Variants in ANKS1A observed in about 807,000 individuals in gnomAD.
The protein encoded by ANKS1A is ankyrin repeat and SAM domain-containing protein 1A.
Under a neutral mutation model 120.3 loss-of-function variants are expected in ANKS1A, and 55 were observed. That is an observed-to-expected ratio of 0.46 (90% CI 0.37 to 0.57). The LOEUF is 0.57. Among genes scored for constraint, ANKS1A ranks in the 20% least tolerant of loss-of-function variants. The pLI is 0.00. For missense variants in ANKS1A, 1,123 were observed against 1,480.3 expected, an observed-to-expected ratio of 0.76 and a Z score of 3.96; for synonymous variants, 590 against 604.7, an observed-to-expected ratio of 0.98 and a Z score of 0.36.
At chr6:35,094,463 A>G (rs1261856989), downstream of ANKS1A, among the ~76,000 whole-genome samples, 1 of 151,964 alleles carries the variant, frequency 6.6e-6, no homozygotes, top group Non-Finnish European at 1.5e-5. Context: ...AAAAGATATC[A>G]GCACCAAGAT....
At position 35,081,173 on chromosome 6, in the gene ANKS1A, G is replaced by A. The variant is rs1561964761; in HGVS notation, c.2709+15G>A. The A allele has an allele frequency of 6.3e-7, 1 of 1,599,812 alleles. No homozygotes were observed. The highest frequency in any genetic ancestry group is 8.5e-7 in the Non-Finnish European group (1 of 1,173,002). On this transcript the variant is annotated intron_variant, in intron 17 of 23. Coordinates refer to ENST00000360359, the MANE Select transcript of ANKS1A (RefSeq NM_015245.3). ...TCAGGATCCAGGTGGGGCAGGGGGA[G>A]TGGAGGTGCAGCCAGGCTCTACCTC...
chr6:35,054,034 G>C, intron 11 of ANKS1A, 65 bp from the exon 12 acceptor site: 1 of 1,380,422 alleles, frequency 7.2e-7, no homozygotes, highest in Non-Finnish European at 1.0e-6. Context: ...CTGGCGCTGT[G>C]GTGAGCTGGT....
intron 8 of ANKS1A, among the ~76,000 whole-genome samples, chr6:34,986,378 A>G (rs1358279340): frequency 6.6e-6 from 1 of 151,944 alleles, no homozygotes; most frequent in African/African-American, 2.4e-5. Flanking sequence ...GGTCCCACTG[A>G]CCCTCCTTCC....
rs528996737 is a variant in ANKS1A, at chr6:35,086,377, G to A, written c.3303+441G>A. ...TTAGTCCTGGAGTCAAGGTCTTTAC[G>A]CCTCCTGCTGTCTTGTGTGTCAGTC... On this transcript the variant is annotated intron_variant, in intron 22 of 23. Transcript: ENST00000360359. The surrounding 1 kb of genome is among the most constrained non-coding windows in gnomAD (Gnocchi z 5.1). 6.4e-5 allele frequency: 83 copies of A among 1,293,964 alleles called. No homozygotes were observed. The African/African-American group carries it at 1.1e-3, about 17-fold the overall frequency. The allele number at this position is 1,293,964 out of a possible 1,614,324, so 80.2% of individuals were successfully genotyped here.
At chr6:35,034,018 A>G (rs1416147544) in intron 11 of ANKS1A, among the ~76,000 whole-genome samples, 1 of 152,188 alleles carries the variant, frequency 6.6e-6, no homozygotes, top group African/African-American at 2.4e-5. Flanking sequence ...CAGGCTTTCA[A>G]CTGCTCTATG....
intron 1 of ANKS1A, among the ~76,000 whole-genome samples, chr6:34,938,667 C>G (rs948754847): frequency 1.3e-5 from 2 of 151,340 alleles, no homozygotes; most frequent in African/African-American, 2.5e-5. Context: ...TTGTCTTCTC[C>G]TCTCTGAGTT....
chr6:34,962,020 A>G (rs1478422139), intron 1 of ANKS1A, among the ~76,000 whole-genome samples: 1 of 152,208 alleles, frequency 6.6e-6, no homozygotes, highest in Non-Finnish European at 1.5e-5. Context: ...TGCTATAATG[A>G]TGATATTTTC....
chr6:34,913,667 T>C (rs1768010251), intron 1 of ANKS1A, among the ~76,000 whole-genome samples: 1 of 152,124 alleles, frequency 6.6e-6, no homozygotes. Context: ...GACAGAGTTT[T>C]GCTCTGTTGC....
Position 35,046,193 on chromosome 6 carries a change from A to G in ANKS1A, c.2011-7906A>G, listed in dbSNP as rs1328520767. On this transcript the variant is annotated intron_variant, in intron 11 of 23. Transcript: ENST00000360359. ...GGGTGTACTCATCCTGGGAACACTGATAATTGAGTTTTCAGACTGTCAAGT... is the reference window on the plus strand; with the variant it reads ...GGGTGTACTCATCCTGGGAACACTGGTAATTGAGTTTTCAGACTGTCAAGT... 2.0e-5 allele frequency among the ~76,000 whole-genome samples: 3 copies of G among 152,074 alleles called. No homozygotes were observed. In the East Asian group the frequency reaches 5.8e-4, roughly 29 times the overall value.
At chr6:35,042,973 A>G (rs1775542494) in intron 11 of ANKS1A, among the ~76,000 whole-genome samples, 1 of 152,096 alleles carries the variant, frequency 6.6e-6, no homozygotes, top group Non-Finnish European at 1.5e-5. Context: ...TAGCTCAGAC[A>G]TTTTCTTTTG....
Position 35,082,528 on chromosome 6 carries a change from G to T in ANKS1A, c.2710-163G>T, listed in dbSNP as rs1473591200. ...CTGTGGCTAGCACCTCCCCTCTCCC[G>T]CAGTGTGTTTGAATTGCTGGTCTGC... On this transcript the variant is annotated intron_variant, in intron 17 of 23. Transcript: ENST00000360359. The surrounding 1 kb of genome is among the most constrained non-coding windows in gnomAD (Gnocchi z 4.1). Among the ~76,000 whole-genome samples the T allele has an allele frequency of 6.6e-6, 1 of 152,012 alleles. No individual in the cohort carries two copies. The highest frequency in any genetic ancestry group is 1.5e-5 in the Non-Finnish European group (1 of 68,000).
chr6:35,003,935 C>G (rs964466366), intron 10 of ANKS1A, among the ~76,000 whole-genome samples: 2 of 152,180 alleles, frequency 1.3e-5, no homozygotes, highest in Non-Finnish European at 2.9e-5. Context: ...GACCCGAAAC[C>G]AAGGAACCAG....
At chr6:35,006,548 A>T (rs1773468767) in intron 10 of ANKS1A, among the ~76,000 whole-genome samples, 1 of 151,922 alleles carries the variant, frequency 6.6e-6, no homozygotes, top group South Asian at 2.1e-4. Context: ...AGATCAGGAG[A>T]TGGAGACCAT....
At chr6:34,995,373 TTTTTG>T (rs201494752) in intron 10 of ANKS1A, among the ~76,000 whole-genome samples, 2,202 of 152,250 alleles carry the variant, frequency 0.014, 44 homozygotes, top group African/African-American at 0.051. Context: ...ATAGTGTTTT[TTTTTG>T]TTTTGTTTTG....
At chr6:35,080,518 AC>A (rs1463720126) in intron 16 of ANKS1A, among the ~76,000 whole-genome samples, 3 of 152,178 alleles carry the variant, frequency 2.0e-5, no homozygotes, top group Non-Finnish European at 4.4e-5. Context: ...ACCCCATTGA[AC>A]CCTCAGGGGC....
At chr6:35,012,117 C>T (rs1015470604) in intron 10 of ANKS1A, among the ~76,000 whole-genome samples, 3 of 152,154 alleles carry the variant, frequency 2.0e-5, no homozygotes, top group Non-Finnish European at 2.9e-5. Context: ...TAGAGAGGTC[C>T]TTTAATCACA....
chr6:35,089,126 G>A lies in ANKS1A; in HGVS notation c.*517G>A, dbSNP rs546965015. ...AGCAGGCTCAGGCAGAATTGAGTACGGTGCGTCTGCTTTTCAAACCCAACC... is the reference window on the plus strand; with the variant it reads ...AGCAGGCTCAGGCAGAATTGAGTACAGTGCGTCTGCTTTTCAAACCCAACC... On this transcript the variant is annotated 3_prime_UTR_variant, in exon 24 of 24. Coordinates refer to ENST00000360359, the MANE Select transcript of ANKS1A (RefSeq NM_015245.3). 3.0e-6 allele frequency: 3 copies of A among 1,016,750 alleles called. No homozygotes were observed. The highest frequency in any genetic ancestry group is 1.7e-5 in the African/African-American group (1 of 58,826). 63.0% of individuals were successfully genotyped at this position (1,016,750 alleles called of 1,614,324 possible). A position where few individuals can be genotyped will look rare whatever the true frequency, so the allele number is the denominator to read the frequency against.
intron 1 of ANKS1A, among the ~76,000 whole-genome samples, chr6:34,908,536 T>C (rs6902912): frequency 0.14 from 21,955 of 152,116 alleles, 3,249 homozygotes; most frequent in African/African-American, 0.38. Flanking sequence ...ATTCAAACAA[T>C]AAAAAAGTTG....
chr6:34,926,698 C>G (rs1447635431), intron 1 of ANKS1A, among the ~76,000 whole-genome samples: 1 of 152,134 alleles, frequency 6.6e-6, no homozygotes, highest in Non-Finnish European at 1.5e-5. Flanking sequence ...CTTGTTAACA[C>G]TGGTGCCCCT....
Sources: allele counts gnomAD v4.1 joint callset (sites outside exome capture counted in the v4.1 genomes callset), GRCh38; gene constraint gnomAD v4.1.1; non-coding constraint Gnocchi (gnomAD v3.1); transcripts MANE v1.5; gene names NCBI Gene and HGNC (gene_info 2026-07-23, HGNC 2026-07-21).